The following METAP1 variants were observed in gnomAD, a reference collection of about 807,000 sequenced individuals.
The protein encoded by METAP1 is methionine aminopeptidase 1.
METAP1 carries 28 observed loss-of-function variants against 53.8 expected under a neutral mutation model. The observed-to-expected ratio is 0.52, with a 90% CI of 0.39 to 0.71. METAP1 has a LOEUF of 0.71. Ranked by LOEUF, METAP1 falls within the 30% of genes least tolerant of loss-of-function variation. The probability of loss-of-function intolerance (pLI) is 0.00; values close to 1 mark genes in which losing one functional copy is unlikely to be tolerated. For missense variants in METAP1, 389 were observed against 479.8 expected, an observed-to-expected ratio of 0.81 and a Z score of 1.77; for synonymous variants, 181 against 165.7, an observed-to-expected ratio of 1.09 and a Z score of -0.71.
intron 1 of METAP1, among the ~76,000 whole-genome samples, chr4:99,021,902 T>G (rs1724135089): frequency 6.6e-6 from 1 of 152,156 alleles, no homozygotes; most frequent in African/African-American, 2.4e-5. Context: ...CTGGAACAAG[T>G]TGGAGCAGCC....
chr4:99,031,422 C>T lies in METAP1; in HGVS notation c.166+2504C>T, dbSNP rs555346272. 2.6e-4 allele frequency: 323 copies of T among 1,264,944 alleles called. 3 individuals carry two copies. Among genetic ancestry groups the T allele is most frequent in the South Asian group, 2.2e-3 (174 of 78,988 alleles). The allele number at this position is 1,264,944 out of a possible 1,614,324, so 78.4% of individuals were successfully genotyped here. A position where few individuals can be genotyped will look rare whatever the true frequency, so the allele number is the denominator to read the frequency against. On this transcript the variant is annotated intron_variant, in intron 2 of 10. Coordinates refer to ENST00000296411, the MANE Select transcript of METAP1 (RefSeq NM_015143.3). ...ATAGCCAAAATTAAGGTATAAAAGC[C>T]GCATTTAATAAAAGAACTCTAAGTA...
chr4:99,020,604 C>G (rs1048801960), intron 1 of METAP1, among the ~76,000 whole-genome samples: 47 of 152,112 alleles, frequency 3.1e-4, no homozygotes, highest in Non-Finnish European at 1.2e-4. Flanking sequence ...ACTGGATATT[C>G]TCTTTTTACC....
chr4:99,027,590 A>C (rs533946630), intron 1 of METAP1, among the ~76,000 whole-genome samples: 231 of 150,942 alleles, frequency 1.5e-3, no homozygotes, highest in Non-Finnish European at 2.9e-3. Flanking sequence ...TTATATTTAC[A>C]CATTCCTTGG....
At chr4:99,014,317 C>G (rs761813813) in intron 1 of METAP1, among the ~76,000 whole-genome samples, 1 of 152,248 alleles carries the variant, frequency 6.6e-6, no homozygotes, top group Non-Finnish European at 1.5e-5. Context: ...AATGAACGTG[C>G]AGTATTGGGT....
chr4:99,056,277 T>C (rs1045190112), intron 9 of METAP1, among the ~76,000 whole-genome samples: 9 of 152,182 alleles, frequency 5.9e-5, no homozygotes, highest in African/African-American at 2.2e-4. Flanking sequence ...GATACCCTTA[T>C]TAGGTTTTGT....
intron 1 of METAP1, among the ~76,000 whole-genome samples, chr4:99,000,786 CT>C (rs1474639653): frequency 6.6e-6 from 1 of 151,296 alleles, no homozygotes; most frequent in South Asian, 2.1e-4. Context: ...TCACTGCAAC[CT>C]TCACCTCCCA....
At chr4:99,025,424 T>C (rs1724490839) in intron 1 of METAP1, 1 of 985,248 alleles carries the variant, frequency 1.0e-6, no homozygotes, top group African/African-American at 1.7e-5. Context: ...CTCTGACTCT[T>C]TTCAGTGATT....
chr4:98,999,345 A>G (rs1395136838), intron 1 of METAP1, among the ~76,000 whole-genome samples: 1 of 151,946 alleles, frequency 6.6e-6, no homozygotes, highest in African/African-American at 2.4e-5. Context: ...GTATCTTTTT[A>G]AAATGGGGCT....
At chr4:99,019,102 T>A (rs1423877863) in intron 1 of METAP1, among the ~76,000 whole-genome samples, 1 of 152,222 alleles carries the variant, frequency 6.6e-6, no homozygotes, top group African/African-American at 2.4e-5. Context: ...GAATATTAGC[T>A]GCCTCATTTT....
intron 2 of METAP1, among the ~76,000 whole-genome samples, chr4:99,034,000 C>T (rs1007252734): frequency 6.6e-6 from 1 of 152,028 alleles, no homozygotes; most frequent in Non-Finnish European, 1.5e-5. Context: ...TCTTCCAAGA[C>T]CTTTAGATCT....
intron 1 of METAP1, among the ~76,000 whole-genome samples, chr4:99,007,618 C>T (rs970948832): frequency 1.3e-5 from 2 of 151,854 alleles, no homozygotes; most frequent in African/African-American, 2.4e-5. Flanking sequence ...AAATGAACTA[C>T]GTTCCACCAT....
chr4:99,045,919 C>A (rs1173715977), intron 8 of METAP1, among the ~76,000 whole-genome samples: 2 of 152,166 alleles, frequency 1.3e-5, no homozygotes, highest in Non-Finnish European at 2.9e-5. Flanking sequence ...TTACCTCATT[C>A]TTTTAATGGC....
chr4:99,049,391 C>T (rs917607848), intron 9 of METAP1, among the ~76,000 whole-genome samples: 1 of 152,128 alleles, frequency 6.6e-6, no homozygotes, highest in Non-Finnish European at 1.5e-5. Flanking sequence ...TTGCCACAGG[C>T]CTAGCCATTA....
chr4:98,995,790 G>C lies in METAP1; in HGVS notation c.37G>C (p.Gly13Arg). 1 of 1,546,470 alleles carries C rather than the reference G, an allele frequency of 6.5e-7. No individual in the cohort carries two copies. The highest frequency in any genetic ancestry group is 2.5e-5 in the East Asian group (1 of 40,224). ...AVETRVCETD[G>R]CSSEAKLQCP... ...GGAGACGCGGGTGTGCGAGACAGACGGCTGCAGCAGTGAGGCCAAGCTCCA... is the reference window on the plus strand; with the variant it reads ...GGAGACGCGGGTGTGCGAGACAGACCGCTGCAGCAGTGAGGCCAAGCTCCA... The change falls in exon 1 of 11, where the codon GGC (glycine) becomes CGC (arginine). Residue 13 changes from glycine (G) to arginine (R), a missense_variant. Physicochemically the swap from Gly to Arg is moderately radical, Grantham distance 125 (BLOSUM62 -2). Coordinates refer to ENST00000296411, the MANE Select transcript of METAP1 (RefSeq NM_015143.3).
chr4:99,007,299 T>C (rs923707041), intron 1 of METAP1, among the ~76,000 whole-genome samples: 1 of 152,138 alleles, frequency 6.6e-6, no homozygotes, highest in African/African-American at 2.4e-5. Context: ...GTTATCCACT[T>C]CACATTTCAT....
At chr4:99,019,789 G>A (rs577926988) in intron 1 of METAP1, among the ~76,000 whole-genome samples, 37 of 152,200 alleles carry the variant, frequency 2.4e-4, no homozygotes, top group Admixed American at 2.4e-3. Flanking sequence ...CGCGATACCT[G>A]GCCAACTATT....
At chr4:98,997,022 C>T (rs1722666394) in intron 1 of METAP1, among the ~76,000 whole-genome samples, 1 of 152,154 alleles carries the variant, frequency 6.6e-6, no homozygotes, top group Admixed American at 6.5e-5. Context: ...TCACAAGCTT[C>T]TTCTGAGACC....
At chr4:99,004,442 C>G (rs1439021200) in intron 1 of METAP1, among the ~76,000 whole-genome samples, 2 of 131,876 alleles carry the variant, frequency 1.5e-5, no homozygotes, top group South Asian at 5.4e-4. Context: ...GAACTGTGGA[C>G]AGATACACAC....
intron 1 of METAP1, chr4:98,997,346 G>A (rs1722685777): frequency 6.5e-6 from 1 of 153,028 alleles, no homozygotes; most frequent in South Asian, 2.1e-4. Flanking sequence ...AAACTTGCAC[G>A]TGGAGGAGTG....
Sources: gnomAD v4.1 joint callset for allele counts (sites outside exome capture counted in the v4.1 genomes callset) on GRCh38, gnomAD v4.1.1 for gene constraint, MANE v1.5 for transcripts, NCBI Gene and HGNC (gene_info 2026-07-23, HGNC 2026-07-21) for gene names.